The following HINT1 variants were observed in gnomAD, a reference collection of about 807,000 sequenced individuals.
HINT1 encodes the protein adenosine 5'-monophosphoramidase HINT1.
HINT1 carries 12 observed loss-of-function variants against 11.2 expected under a neutral mutation model. The ratio of observed to expected loss-of-function variants is 1.07; its 90% CI spans 0.69 to 1.74. HINT1 has a LOEUF of 1.74. Ranked by LOEUF, HINT1 falls within the 40% of genes most tolerant of loss-of-function variation. The pLI, the probability that HINT1 is intolerant of heterozygous loss-of-function variation, is 0.00. For missense variants in HINT1, 150 were observed against 161.8 expected, an observed-to-expected ratio of 0.93 and a Z score of 0.40; for synonymous variants, 42 against 52.6, an observed-to-expected ratio of 0.80 and a Z score of 0.87.
In HINT1 at chr5:131,162,318, C is replaced by CAA. The variant is rs58181774; in HGVS notation, c.216+252_216+253dup. 9,989 of 583,092 alleles carry CAA rather than the reference C, an allele frequency of 0.017. 267 individuals are homozygous for CAA. Among genetic ancestry groups the CAA allele is most frequent in the African/African-American group, 0.14 (5,115 of 35,422 alleles). 36.1% of individuals were successfully genotyped at this position (583,092 alleles called of 1,614,324 possible). On this transcript the variant is annotated intron_variant, in intron 2 of 2. Coordinates refer to ENST00000304043, the MANE Select transcript of HINT1 (RefSeq NM_005340.7). The stretch of plus-strand genomic sequence containing the variant: ...TGGGCGACAGAGCAAGACTCTGTCT[C>CAA]AAAAAAAAAAAAAAAAGGTAATAGC...
At chr5:131,163,815 G>A (rs1401047028) in intron 1 of HINT1, among the ~76,000 whole-genome samples, 1 of 152,170 alleles carries the variant, frequency 6.6e-6, no homozygotes, top group African/African-American at 2.4e-5. Flanking sequence ...GCTCACTGCT[G>A]AAGTGAAAGC....
At chr5:131,159,930 C>A (rs1368364418) in intron 2 of HINT1, among the ~76,000 whole-genome samples, 1 of 152,148 alleles carries the variant, frequency 6.6e-6, no homozygotes, top group East Asian at 1.9e-4. Context: ...CAGCTCACTG[C>A]AGCCTCGACC....
chr5:131,164,757 C>A (rs1755349320), intron 1 of HINT1, among the ~76,000 whole-genome samples: 1 of 152,152 alleles, frequency 6.6e-6, no homozygotes, highest in African/African-American at 2.4e-5. Flanking sequence ...CTGATACAGG[C>A]AAGGTCCGAG....
Position 131,165,114 on chromosome 5 carries a change from A to G in HINT1, c.92T>C (p.Ile31Thr), listed in dbSNP as rs768463956. ...ACCTACCCGGTCATCCTCAAAAATG[A>G]TTTTGGCTGGTATTTCCTTGCGGAT... ...KIIRKEIPAK[I>T]IFEDDRCLAF... Residue 31 changes from isoleucine (I) to threonine (T), a missense_variant, in exon 1 of 3, where the codon ATC becomes ACC. Coordinates refer to ENST00000304043, the MANE Select transcript of HINT1 (RefSeq NM_005340.7). The G allele has an allele frequency of 1.9e-5, 30 of 1,613,536 alleles. No homozygotes were observed. Among genetic ancestry groups the G allele is most frequent in the Non-Finnish European group, 2.5e-5 (29 of 1,179,904 alleles).
In HINT1 at chr5:131,159,552, C is replaced by T; in HGVS notation, c.276G>A (p.Lys92=). The T allele has an allele frequency of 1.2e-6, 2 of 1,613,894 alleles. No homozygotes were observed. The highest frequency in any genetic ancestry group is 1.7e-6 in the Non-Finnish European group (2 of 1,179,904). ...CTTCATTCACCACCATTCGATAACC[C>T]TTATTCAGGCCCAGATCAGCAGCAC... The part of the protein sequence containing the change: ...KKCAADLGLN[K]GYRMVVNEGS... Residue 92 remains lysine, a synonymous_variant, in exon 3 of 3, where the codon AAG becomes AAA. Transcript: ENST00000304043.
intron 1 of HINT1, 126 bp from the exon 2 acceptor site, chr5:131,162,802 T>G (rs1755292357): frequency 1.6e-6 from 1 of 633,088 alleles, no homozygotes; most frequent in Admixed American, 2.9e-5. Context: ...AAAACAGAAG[T>G]GTACACATTA....
chr5:131,164,981 G>A (rs1375654945), intron 1 of HINT1, 114 bp downstream of exon 1: 6 of 1,470,488 alleles, frequency 4.1e-6, no homozygotes, highest in East Asian at 4.9e-5. Context: ...GGGCAGCCAG[G>A]TCCCCTCCCG....
chr5:131,161,677 C>T (rs1580683815), intron 2 of HINT1, among the ~76,000 whole-genome samples: 2 of 151,882 alleles, frequency 1.3e-5, no homozygotes, highest in South Asian at 2.1e-4. Context: ...ATTAAGTACT[C>T]GCTCTAATCT....
chr5:131,162,359 T>A, intron 2 of HINT1: 6 of 868,832 alleles, frequency 6.9e-6, no homozygotes, highest in Non-Finnish European at 1.1e-5. Context: ...TTGATAAGGA[T>A]ACGGAGAAGC....
intron 1 of HINT1, among the ~76,000 whole-genome samples, chr5:131,164,226 C>T (rs951955505): frequency 6.6e-6 from 1 of 152,138 alleles, no homozygotes; most frequent in Non-Finnish European, 1.5e-5. Context: ...TATCTGAGAT[C>T]CAATCCCAAA....
rs1755368814 is a variant in HINT1, at chr5:131,165,194, C to T, written c.12G>A (p.Glu4=). The T allele has an allele frequency of 6.2e-7, 1 of 1,607,982 alleles. No individual in the cohort carries two copies. Reference sequence around the variant, plus strand: ...GCCGAGCGACCTGAGCCTTGGCAATCTCATCTGCCATCTCGGCCTCTCTCC... The same window carrying T: ...GCCGAGCGACCTGAGCCTTGGCAATTTCATCTGCCATCTCGGCCTCTCTCC... MAD[E]IAKAQVARPG... is the part of the protein sequence containing the mutation. The change falls in exon 1 of 3, where the codon GAG becomes GAA. Residue 4 remains glutamate (E), a synonymous_variant. Coordinates refer to ENST00000304043, the MANE Select transcript of HINT1 (RefSeq NM_005340.7).
Position 131,159,591 on chromosome 5 carries a change from A to C in HINT1, c.237T>G (p.Ile79Met). The change falls in exon 3 of 3, where the codon ATT becomes ATG. Residue 79 changes from isoleucine (I) to methionine (M), a missense_variant. Ile to Met is a conservative substitution (Grantham distance 10). Transcript: ENST00000304043. ...DDESLLGHLM[I>M]VGKKCAADLG... ...GATCAGCAGCACATTTCTTGCCAAC[A>C]ATCATTAAGTGTCCAAGAAGCTGGA... is the stretch of plus-strand genomic sequence containing the variant. 6.2e-7 allele frequency: 1 copy of C among 1,613,124 alleles called. No homozygotes were observed. Among genetic ancestry groups the C allele is most frequent in the Non-Finnish European group, 8.5e-7 (1 of 1,179,488 alleles).
chr5:131,161,619 A>T (rs1181920516), intron 2 of HINT1, among the ~76,000 whole-genome samples: 2 of 152,082 alleles, frequency 1.3e-5, no homozygotes, highest in Non-Finnish European at 2.9e-5. Context: ...AAAGAAAAAA[A>T]TGTATTCTGA....
chr5:131,162,276 G>A, intron 2 of HINT1: 2 of 618,746 alleles, frequency 3.2e-6, no homozygotes, highest in Non-Finnish European at 5.7e-6. Context: ...TGAGCCGAGT[G>A]CCACTGCACT....
intron 1 of HINT1, 37 bp from the exon 2 acceptor site, chr5:131,162,713 T>C (rs143377065): frequency 1.1e-5 from 15 of 1,359,834 alleles, no homozygotes; most frequent in Middle Eastern, 5.0e-4. Flanking sequence ...AATCAAACTT[T>C]TAGTATATTG....
At chr5:131,162,971 G>C (rs1227688032) in intron 1 of HINT1, among the ~76,000 whole-genome samples, 1 of 152,076 alleles carries the variant, frequency 6.6e-6, no homozygotes, top group African/African-American at 2.4e-5. Flanking sequence ...CCAAGTAGCT[G>C]GGATTACAGG....
At position 131,159,158 on chromosome 5, in the gene HINT1, T is replaced by A. The variant is rs567294956; in HGVS notation, c.*289A>T. 11 of 251,908 alleles carry A rather than the reference T, an allele frequency of 4.4e-5. No individual in the cohort carries two copies. The highest frequency in any genetic ancestry group is 7.6e-5 in the Non-Finnish European group (10 of 131,204). 15.6% of individuals were successfully genotyped at this position (251,908 alleles called of 1,614,324 possible). A position where few individuals can be genotyped will look rare whatever the true frequency, so the allele number is the denominator to read the frequency against. ...AAGACTAGTAACACCATTAAAACAA[T>A]GCGATGTTCATATGTTGAGTCCTCC... On this transcript the variant is annotated 3_prime_UTR_variant, in exon 3 of 3. Transcript: ENST00000304043.
intron 2 of HINT1, 25 bp from the exon 3 acceptor site, chr5:131,159,636 A>T: frequency 6.3e-7 from 1 of 1,599,186 alleles, no homozygotes; most frequent in South Asian, 1.1e-5. Context: ...AAAGTTTCTT[A>T]GGCACAGGCA....
Position 131,159,430 on chromosome 5 carries a change from T to C in HINT1, c.*17A>G. On this transcript the variant is annotated 3_prime_UTR_variant, in exon 3 of 3. Transcript: ENST00000304043. ...TAATCATTGCCTAAAGAAGAGAAAATTATCCCCAAAACGTGCTTAACCAGG... is the reference window on the plus strand; with the variant it reads ...TAATCATTGCCTAAAGAAGAGAAAACTATCCCCAAAACGTGCTTAACCAGG... 1 of 1,606,470 alleles carries C rather than the reference T, an allele frequency of 6.2e-7. No individual in the cohort carries two copies. The highest frequency in any genetic ancestry group is 8.5e-7 in the Non-Finnish European group (1 of 1,177,378).
Sources: allele counts gnomAD v4.1 joint callset (sites outside exome capture counted in the v4.1 genomes callset), GRCh38; gene constraint gnomAD v4.1.1; transcripts MANE v1.5; gene names NCBI Gene and HGNC (gene_info 2026-07-23, HGNC 2026-07-21).